Variants in TRIM66 observed in about 807,000 individuals in gnomAD.
TRIM66 encodes tripartite motif containing 66, also known as tripartite motif-containing protein 66.
A neutral mutation model predicts 148.2 loss-of-function variants in TRIM66; 99 were observed. The ratio of observed to expected loss-of-function variants is 0.67; its 90% CI spans 0.57 to 0.79. The LOEUF (loss-of-function observed/expected upper bound fraction) is 0.79. Ranked by LOEUF, TRIM66 falls within the 30% of genes least tolerant of loss-of-function variation. The pLI is 0.00. For synonymous variants in TRIM66, 616 were observed against 635.9 expected (o/e 0.97, Z 0.47); for missense variants, 1,666 against 1,697.9 (o/e 0.98, Z 0.33).
At chr11:8,672,859 G>A (rs1012911275) in intron 4 of TRIM66, among the ~76,000 whole-genome samples, 7 of 151,572 alleles carry the variant, frequency 4.6e-5, no homozygotes, top group Admixed American at 1.3e-4. Flanking sequence ...TCAAACTCCT[G>A]GGCTCAAGTG....
chr11:8,672,365 T>C lies in TRIM66; in HGVS notation c.-91A>G, dbSNP rs555854466. The stretch of plus-strand genomic sequence containing the variant: ...AAGTGTCCCGTACCTGTGCCTCTCC[T>C]TATTGGTAGACAAGCTTGACCTAAG... On this transcript the variant is annotated 5_prime_UTR_variant, in exon 5 of 25. Transcript: ENST00000646038. The C allele has an allele frequency of 6.1e-5, 92 of 1,519,640 alleles. No individual in the cohort carries two copies. In the African/African-American group the frequency reaches 1.1e-3, roughly 18 times the overall value. 94.1% of individuals were successfully genotyped at this position (1,519,640 alleles called of 1,614,324 possible).
In TRIM66 at chr11:8,638,645, C is replaced by CT; in HGVS notation, c.2310+8dup. On this transcript the variant is annotated intron_variant, in intron 15 of 24. Transcript: ENST00000646038. ...CCATGTAGTTAGGGAAAACAGGCTC[C>CT]TTCAGTACCTTTCTCACCACATTTG... 6.5e-7 allele frequency: 1 copy of CT among 1,547,026 alleles called. No homozygotes were observed. The highest frequency in any genetic ancestry group is 2.0e-5 in the Admixed American group (1 of 49,554).
intron 14 of TRIM66, 96 bp from the exon 15 acceptor site, chr11:8,638,911 C>T (rs1026984580): frequency 1.6e-6 from 2 of 1,287,034 alleles, no homozygotes; most frequent in Admixed American, 2.7e-5. Flanking sequence ...CTGCCATGTG[C>T]ATCATCACCA....
rs755970195 is a variant in TRIM66, at chr11:8,640,668, A to G, written c.1707T>C (p.His569=). 39 of 1,551,468 alleles carry G rather than the reference A, an allele frequency of 2.5e-5. No homozygotes were observed. The highest frequency in any genetic ancestry group is 3.1e-5 in the Non-Finnish European group (36 of 1,146,974). Residue 569 remains histidine, a synonymous_variant, in exon 14 of 25, where the codon CAT becomes CAC. Transcript: ENST00000646038. The part of the protein sequence containing the change: ...VPPQDVQQGA[H]AQPTLQTPSI... ...AGGGTGTCTGTAAGGTGGGCTGGGC[A>G]TGGGCTCCTTGCTGAACATCCTGTG...
chr11:8,671,753 T>C (rs2038945386), intron 6 of TRIM66, 33 bp downstream of exon 6: 5 of 924,350 alleles, frequency 5.4e-6, no homozygotes, highest in Non-Finnish European at 8.5e-6. Context: ...TGTTATGTAG[T>C]GGGAGGTGAA....
At position 8,641,012 on chromosome 11, in the gene TRIM66, A is replaced by G; in HGVS notation, c.1363T>C (p.Phe455Leu). 6.4e-7 allele frequency: 1 copy of G among 1,551,526 alleles called. No homozygotes were observed. The highest frequency in any genetic ancestry group is 1.2e-5 in the South Asian group (1 of 84,042). ...QEALSHPSHK[F>L]QSPAVCSSSV... ...GAGGAGCACACTGCTGGAGACTGGAACTTGTGTGAGGGGTGGCTAAGAGCC... is the reference window on the plus strand; with the variant it reads ...GAGGAGCACACTGCTGGAGACTGGAGCTTGTGTGAGGGGTGGCTAAGAGCC... The change falls in exon 14 of 25, where the codon TTC becomes CTC. Residue 455 changes from phenylalanine to leucine, a missense_variant. Around this residue, in one of 3 missense-constraint regions of TRIM66, gnomAD observed 1,431 missense variants for 1,412.4 expected, o/e 1.01. Coordinates refer to ENST00000646038, the MANE Select transcript of TRIM66 (RefSeq NM_001388022.1).
At chr11:8,629,795 A>G (rs1373352314) in intron 15 of TRIM66, among the ~76,000 whole-genome samples, 2 of 152,200 alleles carry the variant, frequency 1.3e-5, no homozygotes, top group Non-Finnish European at 2.9e-5. Flanking sequence ...TTTCACAGCC[A>G]CAGCCAATCT....
intron 6 of TRIM66, among the ~76,000 whole-genome samples, chr11:8,665,731 G>C (rs1160096883): frequency 6.6e-6 from 1 of 152,134 alleles, no homozygotes; most frequent in Non-Finnish European, 1.5e-5. Flanking sequence ...GCCGAGGCGG[G>C]CAGATCAGGA....
chr11:8,643,014 G>A lies in TRIM66; in HGVS notation c.1217C>T (p.Ser406Phe). 6.5e-7 allele frequency: 1 copy of A among 1,550,066 alleles called. No individual in the cohort carries two copies. The change falls in exon 13 of 25, where the codon TCT becomes TTT. Residue 406 changes from serine (S) to phenylalanine (F), a missense_variant. Physicochemically the swap from Ser to Phe is radical, Grantham distance 155. This residue lies in a region of TRIM66 where 1,431 missense variants were observed against 1,412.4 expected (regional missense o/e 1.01). Transcript: ENST00000646038. Reference protein sequence around the residue: ...EPNFWTKQLASLGCITTEGGQ... With the variant: ...EPNFWTKQLAFLGCITTEGGQ... ...GTGGGTGGGTCCAAGCTCACCAAGAGAAGCTAGCTGCTTGGTCCAGAAGTT... is the reference window on the plus strand; with the variant it reads ...GTGGGTGGGTCCAAGCTCACCAAGAAAAGCTAGCTGCTTGGTCCAGAAGTT...
intron 15 of TRIM66, among the ~76,000 whole-genome samples, chr11:8,631,830 C>T (rs1182569743): frequency 1.3e-5 from 2 of 152,218 alleles, no homozygotes; most frequent in African/African-American, 4.8e-5. Flanking sequence ...GAATATAATG[C>T]ATGAGTTTTG....
chr11:8,628,160 A>C (rs11042018), intron 15 of TRIM66, among the ~76,000 whole-genome samples: 88,028 of 151,476 alleles, frequency 0.58, 26,072 homozygotes, highest in Non-Finnish European at 0.65. Flanking sequence ...TTTTTTCTTT[A>C]CATTTGTTTT....
In TRIM66 at chr11:8,628,521, G is replaced by A. The variant is rs376291772; in HGVS notation, c.2311-3293C>T. Among the ~76,000 whole-genome samples the A allele has an allele frequency of 1.7e-4, 26 of 150,410 alleles. No individual in the cohort carries two copies. In the East Asian group the frequency reaches 4.7e-3, roughly 27 times the overall value. On this transcript the variant is annotated intron_variant, in intron 15 of 24. Coordinates refer to ENST00000646038, the MANE Select transcript of TRIM66 (RefSeq NM_001388022.1). ...CCAGATTCTCTGGAGGCTAAGGTGGGAGGATTGCTTGAGCCCGGAAGGTTG... is the reference window on the plus strand; with the variant it reads ...CCAGATTCTCTGGAGGCTAAGGTGGAAGGATTGCTTGAGCCCGGAAGGTTG...
chr11:8,671,620 G>C, intron 6 of TRIM66, 166 bp downstream of exon 6: 1 of 591,622 alleles, frequency 1.7e-6, no homozygotes, highest in Non-Finnish European at 3.0e-6. Context: ...TAGGCATCAA[G>C]AGGATTCACT....
At chr11:8,625,567 GACAC>G (rs749060122) in intron 15 of TRIM66, among the ~76,000 whole-genome samples, 1 of 120,152 alleles carries the variant, frequency 8.3e-6, no homozygotes, top group African/African-American at 3.2e-5. Flanking sequence ...CACACACACA[GACAC>G]ACACACACAC....
chr11:8,620,948 A>G (rs1412290820), intron 20 of TRIM66, 84 bp downstream of exon 20: 2 of 1,474,506 alleles, frequency 1.4e-6, no homozygotes, highest in African/African-American at 2.8e-5. Context: ...CCATCCTGGG[A>G]GCTCTGTGGG....
intron 6 of TRIM66, among the ~76,000 whole-genome samples, chr11:8,669,319 T>C (rs142886495): frequency 1.4e-4 from 21 of 152,342 alleles, no homozygotes; most frequent in African/African-American, 4.8e-4. Flanking sequence ...GGTAATACCT[T>C]GCATCCTCAT....
chr11:8,641,789 C>T (rs1172229932), intron 13 of TRIM66, among the ~76,000 whole-genome samples: 2 of 152,056 alleles, frequency 1.3e-5, no homozygotes, highest in South Asian at 2.1e-4. Flanking sequence ...CCCTTTGGTG[C>T]TGTTCTTGTG....
chr11:8,664,434 C>T (rs969028865), intron 6 of TRIM66, among the ~76,000 whole-genome samples: 9 of 152,190 alleles, frequency 5.9e-5, no homozygotes, highest in African/African-American at 2.2e-4. Flanking sequence ...GCTTTGAAGA[C>T]AGGTGAACCT....
At chr11:8,653,506 C>T (rs1245774986) in intron 6 of TRIM66, among the ~76,000 whole-genome samples, 1 of 152,130 alleles carries the variant, frequency 6.6e-6, no homozygotes, top group African/African-American at 2.4e-5. Flanking sequence ...CCACCTGAGG[C>T]CATCATAGAC....
Sources: gnomAD v4.1 joint callset for allele counts (sites outside exome capture counted in the v4.1 genomes callset) on GRCh38, gnomAD v4.1.1 for gene constraint, gnomAD v4.1.1 regional missense constraint, MANE v1.5 for transcripts, NCBI Gene and HGNC (gene_info 2026-07-23, HGNC 2026-07-21) for gene names.